The following RGS7 variants were observed in gnomAD, a reference collection of about 807,000 sequenced individuals.
The protein encoded by RGS7 is regulator of G protein signaling 7.
A neutral mutation model predicts 81.1 loss-of-function variants in RGS7; 27 were observed. The observed-to-expected ratio is 0.33, with a 90% CI of 0.25 to 0.46. The LOEUF (loss-of-function observed/expected upper bound fraction) is 0.46. Among genes scored for constraint, RGS7 ranks in the 20% least tolerant of loss-of-function variants. The pLI is 1.00. For synonymous variants in RGS7, 208 were observed against 207.7 expected, an observed-to-expected ratio of 1.00 and a Z score of -0.01; for missense variants, 396 against 607.4, an observed-to-expected ratio of 0.65 and a Z score of 3.66.
chr1:241,326,539 C>T (rs1025352294), intron 2 of RGS7, among the ~76,000 whole-genome samples: 6 of 152,098 alleles, frequency 3.9e-5, no homozygotes, highest in African/African-American at 1.2e-4. Context: ...TATTTACCTA[C>T]ATTATTATTT....
chr1:241,090,375 G>C (rs543838458), intron 3 of RGS7, among the ~76,000 whole-genome samples: 33 of 152,298 alleles, frequency 2.2e-4, no homozygotes, highest in African/African-American at 7.9e-4. Flanking sequence ...AGAAACCAGG[G>C]AAGGGGCTGA....
At chr1:241,323,021 A>C (rs1276799536) in intron 2 of RGS7, among the ~76,000 whole-genome samples, 1 of 152,198 alleles carries the variant, frequency 6.6e-6, no homozygotes, top group Non-Finnish European at 1.5e-5. Flanking sequence ...ACAGTAAAAA[A>C]CACAAATATA....
rs183927862 is a variant in RGS7 at position 240,865,006 on chromosome 1, G to A, written c.609+3581C>T. On this transcript the variant is annotated intron_variant, in intron 9 of 18. Transcript: ENST00000440928. Reference sequence around the variant, plus strand: ...TTTGCTACTCTCTGTTTCTTTTCACGAAGAAAGCTGAAAATTTATTGTCTT... The same window carrying A: ...TTTGCTACTCTCTGTTTCTTTTCACAAAGAAAGCTGAAAATTTATTGTCTT... 7.7e-4 allele frequency among the ~76,000 whole-genome samples: 116 copies of A among 150,490 alleles called. 1 individual carries two copies. The highest frequency in any genetic ancestry group is 2.5e-3 in the African/African-American group (103 of 40,840).
intron 3 of RGS7, among the ~76,000 whole-genome samples, chr1:240,995,255 A>T (rs1489654810): frequency 6.6e-6 from 1 of 152,148 alleles, no homozygotes; most frequent in African/African-American, 2.4e-5. Flanking sequence ...TATTTTGCTA[A>T]GGAGTTTTAC....
At chr1:241,039,654 C>T (rs2060504169) in intron 3 of RGS7, among the ~76,000 whole-genome samples, 1 of 151,862 alleles carries the variant, frequency 6.6e-6, no homozygotes, top group African/African-American at 2.4e-5. Flanking sequence ...AGTTTCAACA[C>T]TTGGAAGTAA....
intron 9 of RGS7, among the ~76,000 whole-genome samples, chr1:240,828,255 C>G (rs1283207903): frequency 5.3e-5 from 8 of 151,156 alleles, no homozygotes; most frequent in Non-Finnish European, 1.0e-4. Context: ...TGTACAGAAA[C>G]AAATAGATGC....
At chr1:241,014,753 G>T (rs1406664296) in intron 3 of RGS7, among the ~76,000 whole-genome samples, 1 of 152,192 alleles carries the variant, frequency 6.6e-6, no homozygotes, top group Non-Finnish European at 1.5e-5. Context: ...ACAGTTAAAA[G>T]TTTCCATATA....
rs994182444 is a variant in RGS7 at position 240,930,585 on chromosome 1, A to G, written c.385+132T>C. The stretch of plus-strand genomic sequence containing the variant: ...CCAAACAAAGCCGCTTATCAATTCA[A>G]TGTTAAAAATATTGGTCCCATCCTG... On this transcript the variant is annotated intron_variant, in intron 6 of 18. Transcript: ENST00000440928. 10 of 868,068 alleles carry G rather than the reference A, an allele frequency of 1.2e-5. No homozygotes were observed. In the East Asian group the frequency reaches 2.5e-4, roughly 21 times the overall value. 53.8% of individuals were successfully genotyped at this position (868,068 alleles called of 1,614,324 possible).
intron 3 of RGS7, among the ~76,000 whole-genome samples, chr1:241,055,386 G>T (rs2148817874): frequency 6.6e-6 from 1 of 152,284 alleles, no homozygotes; most frequent in Middle Eastern, 3.4e-3. Context: ...TGCTAGCACA[G>T]CTCACAGAAT....
chr1:241,003,225 G>T (rs1170621684), intron 3 of RGS7, among the ~76,000 whole-genome samples: 2 of 152,098 alleles, frequency 1.3e-5, no homozygotes, highest in Non-Finnish European at 2.9e-5. Flanking sequence ...ACTTTGGGAG[G>T]CCAAGGCAGG....
Position 240,900,389 on chromosome 1 carries a change from G to A in RGS7, c.386-30270C>T, listed in dbSNP as rs143033248. 2.4e-3 allele frequency among the ~76,000 whole-genome samples: 363 copies of A among 152,286 alleles called. 1 individual carries two copies. Among genetic ancestry groups the A allele is most frequent in the African/African-American group, 7.9e-3 (327 of 41,574 alleles). ...GGCACTCTGATTTTTAGAATTTTCA[G>A]CTTTTCTGCTCTGGTTACTCCCCAT... is the stretch of plus-strand genomic sequence containing the variant. On this transcript the variant is annotated intron_variant, in intron 6 of 18. Transcript: ENST00000440928.
intron 9 of RGS7, among the ~76,000 whole-genome samples, chr1:240,850,830 C>T (rs896183582): frequency 6.6e-6 from 1 of 152,114 alleles, no homozygotes; most frequent in African/African-American, 2.4e-5. Flanking sequence ...AAGACCAAAG[C>T]AGCCAAAACA....
intron 3 of RGS7, among the ~76,000 whole-genome samples, chr1:241,016,140 T>C (rs898184949): frequency 3.3e-5 from 5 of 152,158 alleles, no homozygotes; most frequent in African/African-American, 1.2e-4. Flanking sequence ...TGAGGTACGA[T>C]GGGATAACAT....
At chr1:241,193,717 A>T (rs1039887566) in intron 2 of RGS7, among the ~76,000 whole-genome samples, 2 of 152,188 alleles carry the variant, frequency 1.3e-5, no homozygotes, top group African/African-American at 4.8e-5. Context: ...GTACACAAAC[A>T]CTTGAATGTA....
rs116578312 is a variant in RGS7 at position 240,903,212 on chromosome 1, T to C, written c.385+27505A>G. Among the ~76,000 whole-genome samples the C allele has an allele frequency of 3.9e-3, 591 of 152,252 alleles. 5 individuals are homozygous for C. The highest frequency in any genetic ancestry group is 0.014 in the African/African-American group (578 of 41,544). On this transcript the variant is annotated intron_variant, in intron 6 of 18. Coordinates refer to ENST00000440928, the MANE Select transcript of RGS7 (RefSeq NM_001364886.1). ...AATATATCAAAGTAGGCCAGAAAAT[T>C]TGCTCATCAGTGCTGTCTGCTAGAA... is the stretch of plus-strand genomic sequence containing the variant.
intron 2 of RGS7, among the ~76,000 whole-genome samples, chr1:241,257,281 C>T (rs2148254623): frequency 6.6e-6 from 1 of 152,092 alleles, no homozygotes; most frequent in Middle Eastern, 3.4e-3. Flanking sequence ...GACAGAGTCC[C>T]CCAAACCCTT....
chr1:241,172,086 T>C (rs1464760905), intron 2 of RGS7, among the ~76,000 whole-genome samples: 1 of 152,226 alleles, frequency 6.6e-6, no homozygotes, highest in East Asian at 1.9e-4. Flanking sequence ...GACAAGTCCT[T>C]AGCAACATAG....
chr1:240,783,059 A>C (rs1292629606), intron 18 of RGS7, among the ~76,000 whole-genome samples: 1 of 152,292 alleles, frequency 6.6e-6, no homozygotes, highest in East Asian at 1.9e-4. Flanking sequence ...TCAGGACAAA[A>C]TAAACCTGAG....
intron 3 of RGS7, among the ~76,000 whole-genome samples, chr1:241,007,903 G>A (rs1467750457): frequency 6.6e-6 from 1 of 152,282 alleles, no homozygotes; most frequent in African/African-American, 2.4e-5. Context: ...ATGCGCACAG[G>A]GACAACAGGT....
Sources: gnomAD v4.1 joint callset for allele counts (sites outside exome capture counted in the v4.1 genomes callset) on GRCh38, gnomAD v4.1.1 for gene constraint, MANE v1.5 for transcripts, NCBI Gene and HGNC (gene_info 2026-07-23, HGNC 2026-07-21) for gene names.